Variants in DDX52 observed in about 807,000 individuals in gnomAD.
The protein encoded by DDX52 is probable ATP-dependent RNA helicase DDX52.
Under a neutral mutation model 76.1 loss-of-function variants are expected in DDX52, and 59 were observed. The ratio of observed to expected loss-of-function variants is 0.78; its 90% CI spans 0.63 to 0.96. DDX52 has a LOEUF of 0.96. DDX52 is among the 40% of genes least tolerant of loss of function. DDX52 has a pLI of 0.00. For synonymous variants in DDX52, 231 were observed against 244.1 expected (o/e 0.95, Z 0.50); for missense variants, 707 against 703.9 (o/e 1.00, Z -0.05).
intron 8 of DDX52, among the ~76,000 whole-genome samples, chr17:37,625,448 G>A (rs1483396734): frequency 6.6e-6 from 1 of 152,118 alleles, no homozygotes; most frequent in Non-Finnish European, 1.5e-5. Flanking sequence ...TAATCCATCA[G>A]GTAGCAGTAT....
chr17:37,620,424 G>C (rs1369135915), intron 12 of DDX52: 1 of 166,374 alleles, frequency 6.0e-6, no homozygotes, highest in African/African-American at 2.4e-5. Context: ...AGGCTGACAG[G>C]TGGCAGAGCC....
At chr17:37,620,726 T>C (rs573301292) in intron 12 of DDX52, 147 bp downstream of exon 12, 1 of 667,084 alleles carries the variant, frequency 1.5e-6, no homozygotes, top group Non-Finnish European at 2.3e-6. Flanking sequence ...TCATTTTTCC[T>C]TTCCCATGGC....
At chr17:37,615,881 G>C (rs1015092975) in intron 14 of DDX52, among the ~76,000 whole-genome samples, 1 of 152,006 alleles carries the variant, frequency 6.6e-6, no homozygotes, top group East Asian at 1.9e-4. Flanking sequence ...GGGCATGGTG[G>C]TGTGTGCCTG....
chr17:37,620,902 GA>G lies in DDX52; in HGVS notation c.1547del (p.Phe516SerfsTer9). The part of the protein sequence containing the change: ...AGNKGKAITF[F>X]TEDDKPLLRS... ...TTAATAATGGCTTATCATCCTCAGT[GA>G]AAAATGTAATTGCTTTTCCCTTATT... On this transcript the variant is annotated frameshift_variant, in exon 12 of 15. Transcript: ENST00000617633. LOFTEE classifies it high-confidence loss of function. 6.3e-7 allele frequency: 1 copy of G among 1,593,968 alleles called. No individual in the cohort carries two copies. Among genetic ancestry groups the G allele is most frequent in the African/African-American group, 1.4e-5 (1 of 73,662 alleles).
At chr17:37,633,031 C>T (rs988511919) in intron 3 of DDX52, among the ~76,000 whole-genome samples, 6 of 152,142 alleles carry the variant, frequency 3.9e-5, no homozygotes, top group Admixed American at 2.0e-4. Context: ...TAATTCTAAA[C>T]ATACTATCAA....
At chr17:37,637,400 G>A (rs902366867) in intron 2 of DDX52, among the ~76,000 whole-genome samples, 1 of 151,350 alleles carries the variant, frequency 6.6e-6, no homozygotes, top group African/African-American at 2.4e-5. Context: ...CAAAGTACTG[G>A]GATTATAGGC....
At chr17:37,615,780 C>T (rs769474259) in intron 14 of DDX52, among the ~76,000 whole-genome samples, 25 of 152,124 alleles carry the variant, frequency 1.6e-4, no homozygotes, top group Non-Finnish European at 2.9e-4. Flanking sequence ...CTTTGGGAGG[C>T]CGAGGCGGGC....
rs772103240 is a variant in DDX52 at position 37,609,805 on chromosome 17, T to C, written c.*4491A>G. 2.3e-4 allele frequency: 36 copies of C among 155,758 alleles called. 1 individual carries two copies. The highest frequency in any genetic ancestry group is 1.6e-4 in the Non-Finnish European group (11 of 70,412). The allele number at this position is 155,758 out of a possible 1,614,324, so 9.6% of individuals were successfully genotyped here. A position where few individuals can be genotyped will look rare whatever the true frequency, so the allele number is the denominator to read the frequency against. ...TTACTCTTTACACACAAAGAACAGA[T>C]AGGTCCTGAAGGGCCCTTTGATAGT... is the stretch of plus-strand genomic sequence containing the variant. On this transcript the variant is annotated 3_prime_UTR_variant, in exon 15 of 15. Coordinates refer to ENST00000617633, the MANE Select transcript of DDX52 (RefSeq NM_007010.5).
chr17:37,632,885 T>C (rs1392315696), intron 3 of DDX52, among the ~76,000 whole-genome samples: 1 of 152,214 alleles, frequency 6.6e-6, no homozygotes, highest in African/African-American at 2.4e-5. Context: ...TCCCAAGTCA[T>C]AAAATACCTT....
chr17:37,632,767 T>G (rs989571315), intron 3 of DDX52, among the ~76,000 whole-genome samples: 14 of 152,194 alleles, frequency 9.2e-5, no homozygotes, highest in African/African-American at 3.4e-4. Flanking sequence ...ATTGCCATAG[T>G]AATCCCTGAA....
chr17:37,633,264 T>C (rs753686950), intron 3 of DDX52, 24 bp downstream of exon 3: 20 of 1,590,534 alleles, frequency 1.3e-5, no homozygotes, highest in Non-Finnish European at 1.6e-5. Context: ...ATATATACTT[T>C]TGGCCCCAAA....
intron 11 of DDX52, 39 bp from the exon 12 acceptor site, chr17:37,620,987 G>A (rs766773866): frequency 1.3e-6 from 2 of 1,567,808 alleles, no homozygotes; most frequent in Middle Eastern, 1.7e-4. Flanking sequence ...CATTTTGGGG[G>A]GAAGGAGGCT....
intron 13 of DDX52, 65 bp downstream of exon 13, chr17:37,619,703 A>G (rs1277973404): frequency 4.5e-6 from 5 of 1,099,454 alleles, no homozygotes; most frequent in Admixed American, 5.4e-5. Flanking sequence ...CAGAGCAAGA[A>G]AAAAAAAAAA....
chr17:37,628,641 C>T lies in DDX52; in HGVS notation c.779G>A (p.Gly260Glu). ...GATCATGTGTATTCTGAATCCTGTT[C>T]CCTCAGAAATTTTTATTAACTCTCT... ...IHRELIKISE[G>E]TGFRIHMIHK... Residue 260 changes from glycine to glutamate, a missense_variant, in exon 6 of 15, where the codon GGA (glycine) becomes GAA (glutamate). By Grantham distance (98) the Gly-to-Glu change is moderately conservative (BLOSUM62 -2). Coordinates refer to ENST00000617633, the MANE Select transcript of DDX52 (RefSeq NM_007010.5). 3 of 1,602,428 alleles carry T rather than the reference C, an allele frequency of 1.9e-6. No homozygotes were observed. The highest frequency in any genetic ancestry group is 2.5e-6 in the Non-Finnish European group (3 of 1,176,842).
chr17:37,626,123 G>T (rs1406421571), intron 7 of DDX52, 25 bp from the exon 8 acceptor site: 5 of 1,612,622 alleles, frequency 3.1e-6, no homozygotes, highest in Non-Finnish European at 4.2e-6. Context: ...AACAACTTGT[G>T]GATACTGAAC....
intron 8 of DDX52, among the ~76,000 whole-genome samples, chr17:37,624,674 T>C (rs2030273835): frequency 6.6e-6 from 1 of 152,160 alleles, no homozygotes; most frequent in Non-Finnish European, 1.5e-5. Flanking sequence ...GTTTCAGTCA[T>C]AAATTTTCAG....
chr17:37,610,633 T>A lies in DDX52; in HGVS notation c.*3663A>T, dbSNP rs985634711. On this transcript the variant is annotated 3_prime_UTR_variant, in exon 15 of 15. Transcript: ENST00000617633. Reference sequence around the variant, plus strand: ...CTGGTCAGGAACTGTACACGCATTTTAAAAAATCCTCAGTATCCTTAGGAG... The same window carrying A: ...CTGGTCAGGAACTGTACACGCATTTAAAAAAATCCTCAGTATCCTTAGGAG... The A allele has an allele frequency of 4.6e-5, 7 of 152,162 alleles. No homozygotes were observed. Among genetic ancestry groups the A allele is most frequent in the African/African-American group, 1.7e-4 (7 of 41,442 alleles). 9.4% of individuals were successfully genotyped at this position (152,162 alleles called of 1,614,324 possible). A position where few individuals can be genotyped will look rare whatever the true frequency, so the allele number is the denominator to read the frequency against.
chr17:37,616,739 T>A (rs141121222), intron 14 of DDX52, among the ~76,000 whole-genome samples: 236 of 152,270 alleles, frequency 1.5e-3, no homozygotes, highest in Non-Finnish European at 2.8e-3. Flanking sequence ...TACTTATTGA[T>A]TGATTGACTA....
chr17:37,628,588 A>T lies in DDX52; in HGVS notation c.832T>A (p.Phe278Ile). 6.2e-7 allele frequency: 1 copy of T among 1,612,918 alleles called. No individual in the cohort carries two copies. The highest frequency in any genetic ancestry group is 8.5e-7 in the Non-Finnish European group (1 of 1,179,652). The change falls in exon 6 of 15, where the codon TTT becomes ATT. Residue 278 changes from phenylalanine to isoleucine, a missense_variant. Phe to Ile is a conservative substitution (Grantham distance 21). Transcript: ENST00000617633. ...IHKAAVAAKK[F>I]GPKSSKKFDI... ...AACTTTTTAGATGATTTAGGTCCAA[A>T]TTTCTTGGCTGCCACTGCTGCTTTG...
Sources: gnomAD v4.1 joint callset for allele counts (sites outside exome capture counted in the v4.1 genomes callset) on GRCh38, gnomAD v4.1.1 for gene constraint, MANE v1.5 for transcripts, NCBI Gene and HGNC (gene_info 2026-07-23, HGNC 2026-07-21) for gene names.